ZNF516: variants seen among roughly 807,000 people sequenced by gnomAD.
ZNF516 encodes the protein zinc finger protein 516.
ZNF516 carries 19 observed loss-of-function variants against 79.7 expected under a neutral mutation model. That is an observed-to-expected ratio of 0.24 (90% confidence interval 0.17 to 0.35). The LOEUF is 0.35. Among genes scored for constraint, ZNF516 ranks in the 10% least tolerant of loss-of-function variants. The pLI is 1.00. For missense variants in ZNF516, 1,678 were observed against 1,679.5 expected, an observed-to-expected ratio of 1.00 and a Z score of 0.02; for synonymous variants, 877 against 739.5, an observed-to-expected ratio of 1.19 and a Z score of -3.02.
intron 3 of ZNF516, among the ~76,000 whole-genome samples, chr18:76,408,383 G>A (rs922811190): frequency 6.6e-6 from 1 of 152,188 alleles, no homozygotes; most frequent in African/African-American, 2.4e-5. Context: ...TCCTGACAGC[G>A]ACACACTTGA....
chr18:76,479,237 T>C (rs911452989), intron 1 of ZNF516, among the ~76,000 whole-genome samples: 1 of 152,102 alleles, frequency 6.6e-6, no homozygotes, highest in South Asian at 2.1e-4. Flanking sequence ...ACAGGGCAGG[T>C]AAAATGGTCA....
Position 76,442,309 on chromosome 18 carries a change from G to A in ZNF516, c.746C>T (p.Pro249Leu), listed in dbSNP as rs1383457551. Reference sequence around the variant, plus strand: ...GAAGGCCTGGCCACACACCTCGCACGGGAACTCCCCGGGGCTCAGCTCGGG... The same window carrying A: ...GAAGGCCTGGCCACACACCTCGCACAGGAACTCCCCGGGGCTCAGCTCGGG... ...GKPELSPGEF[P>L]CEVCGQAFSQ... Residue 249 changes from proline (P) to leucine (L), a missense_variant, in exon 3 of 7, where the codon CCG (proline) becomes CTG (leucine). Pro to Leu is a moderately conservative substitution (Grantham distance 98, BLOSUM62 -3). This residue lies in a region of ZNF516 where 279 missense variants were observed against 254.1 expected (regional missense o/e 1.10). Transcript: ENST00000443185. 22 of 1,612,158 alleles carry A rather than the reference G, an allele frequency of 1.4e-5. No individual in the cohort carries two copies. Among genetic ancestry groups the A allele is most frequent in the East Asian group, 6.7e-5 (3 of 44,806 alleles).
chr18:76,400,749 G>C (rs1426819057), intron 3 of ZNF516, among the ~76,000 whole-genome samples: 1 of 152,214 alleles, frequency 6.6e-6, no homozygotes, highest in African/African-American at 2.4e-5. Flanking sequence ...CACATGCAGA[G>C]TTCAAACTAT....
At chr18:76,490,861 A>G in intron 1 of ZNF516, 1 of 985,498 alleles carries the variant, frequency 1.0e-6, no homozygotes, top group Non-Finnish European at 1.2e-6. Context: ...CTGGAAGGCC[A>G]GCCCAACGCC....
At position 76,441,897 on chromosome 18, in the gene ZNF516, G is replaced by C; in HGVS notation, c.1158C>G (p.Cys386Trp). 6.3e-7 allele frequency: 1 copy of C among 1,599,480 alleles called. No individual in the cohort carries two copies. The highest frequency in any genetic ancestry group is 8.5e-7 in the Non-Finnish European group (1 of 1,177,110). Residue 386 changes from cysteine to tryptophan, a missense_variant, in exon 3 of 7, where the codon TGC (cysteine) becomes TGG (tryptophan). By Grantham distance (215) the Cys-to-Trp change is radical (BLOSUM62 -2). This residue lies in a region of ZNF516 where 1,294 missense variants were observed against 1,248.3 expected (regional missense o/e 1.04). Transcript: ENST00000443185. ...CGGCCGCCGACGGCCTCAGGTTCAG[G>C]CACTGGAGGAAGAACTGCTTGGTGT... Reference protein sequence around the residue: ...PSDTKQFFLQCLNLRPSAAGD... With the variant: ...PSDTKQFFLQWLNLRPSAAGD...
At chr18:76,475,610 C>T (rs1240491152) in intron 1 of ZNF516, among the ~76,000 whole-genome samples, 4 of 152,118 alleles carry the variant, frequency 2.6e-5, no homozygotes, top group South Asian at 4.1e-4. Context: ...CAAAGAAAGG[C>T]GGCTCCACAG....
intron 3 of ZNF516, among the ~76,000 whole-genome samples, chr18:76,396,353 A>C (rs2075146939): frequency 6.6e-6 from 1 of 152,170 alleles, no homozygotes; most frequent in African/African-American, 2.4e-5. Context: ...GCGCAGGGTC[A>C]CCCTCTTCCC....
At chr18:76,420,771 C>T (rs1182503425) in intron 3 of ZNF516, among the ~76,000 whole-genome samples, 2 of 152,076 alleles carry the variant, frequency 1.3e-5, no homozygotes, top group Non-Finnish European at 2.9e-5. Flanking sequence ...TATTTATAAA[C>T]TTGCTGTTCA....
intron 3 of ZNF516, among the ~76,000 whole-genome samples, chr18:76,401,201 G>A (rs911379558): frequency 6.6e-5 from 10 of 150,888 alleles, no homozygotes; most frequent in African/African-American, 2.2e-4. Context: ...TGCAACCTCC[G>A]GCATAAATGG....
At chr18:76,428,675 GA>G (rs1457296316) in intron 3 of ZNF516, among the ~76,000 whole-genome samples, 3 of 150,820 alleles carry the variant, frequency 2.0e-5, no homozygotes, top group African/African-American at 7.3e-5. Context: ...ACCAAAACAA[GA>G]AAAAAATCTA....
chr18:76,360,328 G>A lies in ZNF516; in HGVS notation c.*2170C>T, dbSNP rs908058241. ...AACTAAAACACAGAGAAACAGGACT[G>A]GGTCACTAGTCCCTGACATTCCTAA... On this transcript the variant is annotated 3_prime_UTR_variant, in exon 7 of 7. Transcript: ENST00000443185. The A allele has an allele frequency of 2.6e-5, 4 of 152,270 alleles. No homozygotes were observed. The highest frequency in any genetic ancestry group is 9.6e-5 in the African/African-American group (4 of 41,542). The allele number at this position is 152,270 out of a possible 1,614,324, so 9.4% of individuals were successfully genotyped here. A position where few individuals can be genotyped will look rare whatever the true frequency, so the allele number is the denominator to read the frequency against.
At chr18:76,443,238 CA>C (rs894620477) in intron 2 of ZNF516, 27 bp from the exon 3 acceptor site, 2 of 910,988 alleles carry the variant, frequency 2.2e-6, no homozygotes, top group Admixed American at 3.2e-5. Context: ...ACATCATCAG[CA>C]AAGCTCCTGG....
chr18:76,372,299 G>C (rs551812585), intron 4 of ZNF516, among the ~76,000 whole-genome samples: 3 of 152,380 alleles, frequency 2.0e-5, no homozygotes, highest in African/African-American at 7.2e-5. Context: ...GGGATGCAGA[G>C]AGCGTTTATT....
chr18:76,417,630 T>C (rs2075449054), intron 3 of ZNF516, among the ~76,000 whole-genome samples: 1 of 152,222 alleles, frequency 6.6e-6, no homozygotes, highest in Non-Finnish European at 1.5e-5. Context: ...GTAATAAAAC[T>C]TCAAAGGATT....
At chr18:76,424,055 C>T (rs1362373668) in intron 3 of ZNF516, among the ~76,000 whole-genome samples, 15 of 126,158 alleles carry the variant, frequency 1.2e-4, no homozygotes, top group Non-Finnish European at 2.5e-4. Flanking sequence ...CCGAAACACA[C>T]GCAGGTGAAA....
In ZNF516 at chr18:76,452,966, G is replaced by A. The variant is rs1212423979; in HGVS notation, c.-157-9755C>T. On this transcript the variant is annotated intron_variant, in intron 2 of 6. Transcript: ENST00000443185. ...CGTGTGAAAATGAAGAACAGGGGGT[G>A]GCTATTTTTATATCAGAAGGGAAGG... is the stretch of plus-strand genomic sequence containing the variant. 2.0e-5 allele frequency among the ~76,000 whole-genome samples: 3 copies of A among 152,100 alleles called. No individual in the cohort carries two copies. In the East Asian group the frequency reaches 5.8e-4, roughly 29 times the overall value.
intron 2 of ZNF516, among the ~76,000 whole-genome samples, chr18:76,461,797 G>A (rs182046045): frequency 3.9e-5 from 6 of 152,336 alleles, no homozygotes; most frequent in African/African-American, 1.4e-4. Flanking sequence ...CAACAGGCGA[G>A]GGGCCCAGGT....
At position 76,441,331 on chromosome 18, in the gene ZNF516, C is replaced by A; in HGVS notation, c.1724G>T (p.Cys575Phe). The A allele has an allele frequency of 6.2e-7, 1 of 1,611,680 alleles. No individual in the cohort carries two copies. The highest frequency in any genetic ancestry group is 8.5e-7 in the Non-Finnish European group (1 of 1,179,514). Residue 575 changes from cysteine (C) to phenylalanine (F), a missense_variant, in exon 3 of 7, where the codon TGT becomes TTT. Cys to Phe is a radical substitution (Grantham distance 205). Transcript: ENST00000443185. ...ASQPSSPGSA[C>F]AAADSPGSGL... ...AGAGCCCGGGGAGTCAGCAGCGGCA[C>A]AGGCGGAGCCAGGGCTGCTGGGCTG...
At position 76,379,245 on chromosome 18, in the gene ZNF516, G is replaced by A; in HGVS notation, c.2869C>T (p.Pro957Ser). 6.2e-7 allele frequency: 1 copy of A among 1,612,620 alleles called. No homozygotes were observed. The highest frequency in any genetic ancestry group is 8.5e-7 in the Non-Finnish European group (1 of 1,179,630). ...GTGGGGGCAAAGCCAGCCCCCGCTGGGGGGACCCCAAACTTCTCCACAGGC... is the reference window on the plus strand; with the variant it reads ...GTGGGGGCAAAGCCAGCCCCCGCTGAGGGGACCCCAAACTTCTCCACAGGC... ...SKPVEKFGVPPAGAGFAPTNK... is the reference protein window; with the variant it reads ...SKPVEKFGVPSAGAGFAPTNK... The change falls in exon 4 of 7, where the codon CCA (proline) becomes TCA (serine). Residue 957 changes from proline to serine, a missense_variant. Physicochemically the swap from Pro to Ser is moderately conservative, Grantham distance 74. Transcript: ENST00000443185.
Sources: gnomAD v4.1 joint callset for allele counts (sites outside exome capture counted in the v4.1 genomes callset) on GRCh38, gnomAD v4.1.1 for gene constraint, gnomAD v4.1.1 regional missense constraint, MANE v1.5 for transcripts, NCBI Gene and HGNC (gene_info 2026-07-23, HGNC 2026-07-21) for gene names.